NSMAF: variants seen among roughly 807,000 people sequenced by gnomAD.
NSMAF encodes protein FAN.
A neutral mutation model predicts 134.9 loss-of-function variants in NSMAF; 90 were observed. That is an observed-to-expected ratio of 0.67 (90% CI 0.56 to 0.79). The LOEUF (loss-of-function observed/expected upper bound fraction) is 0.79, where lower values mean the gene tolerates loss of function less well. Among genes scored for constraint, NSMAF ranks in the 30% least tolerant of loss-of-function variants. The pLI, the probability that NSMAF is intolerant of heterozygous loss-of-function variation, is 0.00. For synonymous variants in NSMAF, 358 were observed against 389.6 expected (o/e 0.92, Z 0.96); for missense variants, 1,010 against 1,119.0 (o/e 0.90, Z 1.39).
intron 30 of NSMAF, 67 bp downstream of exon 30, chr8:58,585,585 T>A: frequency 8.5e-7 from 1 of 1,173,928 alleles, no homozygotes; most frequent in Non-Finnish European, 1.3e-6. Context: ...TGTTCCCTGA[T>A]GGAAAAGGCA....
chr8:58,585,729 G>C lies in NSMAF; in HGVS notation c.2582C>G (p.Ser861Cys). The C allele has an allele frequency of 6.2e-7, 1 of 1,614,178 alleles. No individual in the cohort carries two copies. The highest frequency in any genetic ancestry group is 8.5e-7 in the Non-Finnish European group (1 of 1,180,010). ...CFVWDGNSVL[S>C]GSQSGELLVW... ...GAGCAGTTCACCAGACTGACTGCCA[G>C]ATAAAACGGAATTTCCATCCCAGAC... Residue 861 changes from serine to cysteine, a missense_variant, in exon 30 of 31, where the codon TCT becomes TGT. Ser to Cys is a moderately radical substitution (Grantham distance 112, BLOSUM62 -1). Transcript: ENST00000038176.
intron 9 of NSMAF, 83 bp downstream of exon 9, chr8:58,623,137 A>G: frequency 1.9e-6 from 2 of 1,057,656 alleles, no homozygotes; most frequent in Non-Finnish European, 2.9e-6. Context: ...CAATGATGAC[A>G]GCAGGCTTGG....
intron 1 of NSMAF, among the ~76,000 whole-genome samples, chr8:58,647,757 C>T (rs552510451): frequency 6.6e-6 from 1 of 152,330 alleles, no homozygotes; most frequent in African/African-American, 2.4e-5. Flanking sequence ...TGGTGCCTTG[C>T]TTCCTGTACA....
chr8:58,609,736 G>A lies in NSMAF; in HGVS notation c.558-3C>T, dbSNP rs1306450276. The stretch of plus-strand genomic sequence containing the variant: ...GCTTTTCAGAAATGTTTTGGAACCT[G>A]AAAATAGGTTTTTCAGCAAAAGTAA... On this transcript the variant is annotated splice_region_variant and splice_polypyrimidine_tract_variant and intron_variant, in intron 9 of 30. Coordinates refer to ENST00000038176, the MANE Select transcript of NSMAF (RefSeq NM_003580.4). 3 of 1,613,608 alleles carry A rather than the reference G, an allele frequency of 1.9e-6. No individual in the cohort carries two copies. The highest frequency in any genetic ancestry group is 2.5e-6 in the Non-Finnish European group (3 of 1,179,892).
chr8:58,609,819 T>C lies in NSMAF; in HGVS notation c.558-86A>G, dbSNP rs549987394. 3.9e-6 allele frequency: 5 copies of C among 1,269,174 alleles called. No individual in the cohort carries two copies. The African/African-American group carries it at 5.9e-5, about 15-fold the overall frequency. 78.6% of individuals were successfully genotyped at this position (1,269,174 alleles called of 1,614,324 possible). The stretch of plus-strand genomic sequence containing the variant: ...TATCTAAGGGAGCTACAGTGTGACT[T>C]TCTATGACATTTGTCTAAACACTAC... On this transcript the variant is annotated intron_variant, in intron 9 of 30. Coordinates refer to ENST00000038176, the MANE Select transcript of NSMAF (RefSeq NM_003580.4).
intron 1 of NSMAF, among the ~76,000 whole-genome samples, chr8:58,648,495 A>G (rs1266255608): frequency 6.6e-6 from 1 of 152,230 alleles, no homozygotes; most frequent in Non-Finnish European, 1.5e-5. Context: ...AAGGTTGCCA[A>G]GGGCTAATAT....
chr8:58,600,692 TTAGA>T lies in NSMAF; in HGVS notation c.1280+589_1280+592del, dbSNP rs1236409126. ...TGGCTCATTGCAAAAGGAATTATTA[TTAGA>T]TATGTGTAGAGTTCAAAAAAAATGA... On this transcript the variant is annotated intron_variant, in intron 16 of 30. Transcript: ENST00000038176. 2.0e-5 allele frequency among the ~76,000 whole-genome samples: 3 copies of T among 150,552 alleles called. No homozygotes were observed. In the East Asian group the frequency reaches 5.8e-4, roughly 29 times the overall value.
chr8:58,635,425 CA>C, intron 3 of NSMAF, 42 bp downstream of exon 3: 2 of 1,568,594 alleles, frequency 1.3e-6, no homozygotes, highest in South Asian at 1.2e-5. Context: ...AAGACATACA[CA>C]AAAAATAGGA....
intron 23 of NSMAF, among the ~76,000 whole-genome samples, chr8:58,593,275 C>T (rs1217339065): frequency 6.6e-6 from 1 of 152,154 alleles, no homozygotes; most frequent in Non-Finnish European, 1.5e-5. Context: ...TGTGTAGAAT[C>T]ACTTCTATGC....
chr8:58,583,962 G>A lies in NSMAF; in HGVS notation c.*144C>T. 2 of 677,464 alleles carry A rather than the reference G, an allele frequency of 3.0e-6. No homozygotes were observed. The highest frequency in any genetic ancestry group is 3.4e-5 in the South Asian group (2 of 59,478). The allele number at this position is 677,464 out of a possible 1,614,324, so 42.0% of individuals were successfully genotyped here. On this transcript the variant is annotated 3_prime_UTR_variant, in exon 31 of 31. Coordinates refer to ENST00000038176, the MANE Select transcript of NSMAF (RefSeq NM_003580.4). ...TAATGGCTTTCAATGAAGTCACCAT[G>A]ATTTAGAAAGTTTAAAACCACAAAT...
At chr8:58,639,436 T>C (rs928152056) in intron 2 of NSMAF, among the ~76,000 whole-genome samples, 2 of 152,162 alleles carry the variant, frequency 1.3e-5, no homozygotes, top group African/African-American at 4.8e-5. Context: ...ATGGCTATTA[T>C]CAAAAAACAA....
chr8:58,591,227 G>C (rs1238275678), intron 23 of NSMAF, among the ~76,000 whole-genome samples: 2 of 152,056 alleles, frequency 1.3e-5, no homozygotes, highest in Admixed American at 1.3e-4. Flanking sequence ...GTGGTAGCTG[G>C]TATATGCAGA....
Position 58,595,478 on chromosome 8 carries a change from C to T in NSMAF, c.1892+82G>A. 8.3e-6 allele frequency: 8 copies of T among 966,862 alleles called. No homozygotes were observed. In the South Asian group the frequency reaches 9.3e-5, roughly 11 times the overall value. 59.9% of individuals were successfully genotyped at this position (966,862 alleles called of 1,614,324 possible). A position where few individuals can be genotyped will look rare whatever the true frequency, so the allele number is the denominator to read the frequency against. On this transcript the variant is annotated intron_variant, in intron 22 of 30. Coordinates refer to ENST00000038176, the MANE Select transcript of NSMAF (RefSeq NM_003580.4). Reference sequence around the variant, plus strand: ...AAAGGGAATTTTCCCTCTGACTCAGCTTAAAACAGTTTAATCCCATGCCAA... The same window carrying T: ...AAAGGGAATTTTCCCTCTGACTCAGTTTAAAACAGTTTAATCCCATGCCAA...
At chr8:58,596,910 G>GAC (rs1230862117) in intron 21 of NSMAF, among the ~76,000 whole-genome samples, 1 of 142,254 alleles carries the variant, frequency 7.0e-6, no homozygotes, top group Non-Finnish European at 1.5e-5. Flanking sequence ...CAGCGTGGGG[G>GAC]ACAAAGCAAG....
chr8:58,608,704 G>A (rs1806460687), intron 10 of NSMAF, among the ~76,000 whole-genome samples: 1 of 152,192 alleles, frequency 6.6e-6, no homozygotes, highest in East Asian at 1.9e-4. Context: ...TGCTGTGCTA[G>A]CAGCATGCAG....
intron 5 of NSMAF, 75 bp downstream of exon 5, chr8:58,635,114 T>C (rs1807139366): frequency 1.8e-6 from 2 of 1,104,002 alleles, no homozygotes; most frequent in African/African-American, 1.6e-5. Flanking sequence ...CTGATATCTC[T>C]ACAAGTAATT....
intron 1 of NSMAF, among the ~76,000 whole-genome samples, chr8:58,658,927 C>T (rs1034313922): frequency 6.6e-6 from 1 of 152,226 alleles, no homozygotes; most frequent in Non-Finnish European, 1.5e-5. Context: ...ACAAGGTCCA[C>T]TGCGCGGGGA....
intron 1 of NSMAF, among the ~76,000 whole-genome samples, chr8:58,653,798 A>G (rs1446669136): frequency 6.6e-6 from 1 of 152,190 alleles, no homozygotes; most frequent in Non-Finnish European, 1.5e-5. Flanking sequence ...GACCATTCCT[A>G]TTTTATATCA....
chr8:58,584,174 CATT>C lies in NSMAF; in HGVS notation c.2683_2685del (p.Asn895del). The C allele has an allele frequency of 1.9e-6, 3 of 1,613,702 alleles. No homozygotes were observed. The South Asian group carries it at 3.3e-5, about 18-fold the overall frequency. ...CCTGTGATGATACTGCTACACTGTT[CATT>C]CATCCATATACATGTCACAGCACCT... On this transcript the variant is annotated inframe_deletion, in exon 31 of 31. Transcript: ENST00000038176.
Sources: gnomAD v4.1 joint callset for allele counts (sites outside exome capture counted in the v4.1 genomes callset) on GRCh38, gnomAD v4.1.1 for gene constraint, MANE v1.5 for transcripts, NCBI Gene and HGNC (gene_info 2026-07-23, HGNC 2026-07-21) for gene names.